PEPD: variants seen among roughly 807,000 people sequenced by gnomAD.
PEPD encodes xaa-Pro dipeptidase.
Under a neutral mutation model 60.7 loss-of-function variants are expected in PEPD, and 53 were observed. The ratio of observed to expected loss-of-function variants is 0.87; its 90% CI spans 0.70 to 1.10. PEPD has a LOEUF of 1.10. Among genes scored for constraint, PEPD ranks in the 50% least tolerant of loss-of-function variants. The pLI, the probability that PEPD is intolerant of heterozygous loss-of-function variation, is 0.00. For missense variants in PEPD, 711 were observed against 711.9 expected (o/e 1.00, Z 0.01); for synonymous variants, 267 against 284.1 (o/e 0.94, Z 0.60).
chr19:33,410,597 G>A (rs1332200869), intron 11 of PEPD, among the ~76,000 whole-genome samples: 1 of 152,224 alleles, frequency 6.6e-6, no homozygotes, highest in Non-Finnish European at 1.5e-5. Flanking sequence ...CTGGCACATT[G>A]GGGTGGCTCC....
chr19:33,495,500 C>CAA (rs879774146), intron 4 of PEPD, among the ~76,000 whole-genome samples: 26 of 85,626 alleles, frequency 3.0e-4, no homozygotes, highest in African/African-American at 6.6e-4. Context: ...GACTCTGTCT[C>CAA]AAAAAAAAAA....
intron 12 of PEPD, among the ~76,000 whole-genome samples, chr19:33,391,919 A>G (rs1600075742): frequency 6.6e-6 from 1 of 152,212 alleles, no homozygotes; most frequent in Non-Finnish European, 1.5e-5. Context: ...TGAGGCTCAG[A>G]CCCAAACCCT....
chr19:33,506,332 ACC>A (rs1306536976), intron 3 of PEPD, among the ~76,000 whole-genome samples: 1 of 129,502 alleles, frequency 7.7e-6, no homozygotes, highest in African/African-American at 3.0e-5. Flanking sequence ...CTACACACAC[ACC>A]CACACACAAC....
chr19:33,453,087 C>T (rs1047797299), intron 9 of PEPD, among the ~76,000 whole-genome samples: 3 of 151,846 alleles, frequency 2.0e-5, no homozygotes, highest in African/African-American at 4.8e-5. Context: ...TTCGGGAGGC[C>T]GTGGCAGGAG....
intron 7 of PEPD, among the ~76,000 whole-genome samples, chr19:33,469,875 A>AC (rs1291868860): frequency 7.7e-6 from 1 of 129,630 alleles, no homozygotes; most frequent in Non-Finnish European, 1.7e-5. Flanking sequence ...TTCTCTCTTC[A>AC]CCCCCATCAT....
chr19:33,387,914 C>T lies in PEPD; in HGVS notation c.1320G>A (p.Leu440=). The T allele has an allele frequency of 6.3e-7, 1 of 1,584,994 alleles. No homozygotes were observed. The highest frequency in any genetic ancestry group is 8.6e-7 in the Non-Finnish European group (1 of 1,166,186). ...CCCCGCCAAAACCGCGAAAGCGCTG[C>T]AGGACCTCGCGGTTAAGGAAGGAGG... ...ARASFLNREV[L]QRFRGFGGVR... The change falls in exon 14 of 15, where the codon CTG becomes CTA. Residue 440 remains leucine (L), a synonymous_variant. Transcript: ENST00000244137.
chr19:33,427,937 C>A (rs1427149427), intron 9 of PEPD, among the ~76,000 whole-genome samples: 1 of 151,884 alleles, frequency 6.6e-6, no homozygotes, highest in East Asian at 1.9e-4. Context: ...GCAGCAGTGA[C>A]GGTGCCTGTA....
chr19:33,436,375 G>A (rs539416601), intron 9 of PEPD, among the ~76,000 whole-genome samples: 4 of 152,242 alleles, frequency 2.6e-5, no homozygotes, highest in East Asian at 1.9e-4. Context: ...GGCGGGAGCC[G>A]TCCTCAGCAT....
At chr19:33,473,352 T>C (rs1970161638) in intron 7 of PEPD, among the ~76,000 whole-genome samples, 1 of 152,052 alleles carries the variant, frequency 6.6e-6, no homozygotes, top group Admixed American at 6.5e-5. Context: ...TGGGACATGT[T>C]ACCCAGGATG....
At chr19:33,448,799 C>CT (rs1191037683) in intron 9 of PEPD, among the ~76,000 whole-genome samples, 1 of 152,140 alleles carries the variant, frequency 6.6e-6, no homozygotes, top group Non-Finnish European at 1.5e-5. Flanking sequence ...TTACCAGCTA[C>CT]TCTGATTTTC....
At chr19:33,413,733 G>T in intron 9 of PEPD, 90 bp from the exon 10 acceptor site, 1 of 780,410 alleles carries the variant, frequency 1.3e-6, no homozygotes, top group Non-Finnish European at 2.2e-6. Flanking sequence ...AAGGCCCTCG[G>T]CCCATGGTCT....
At chr19:33,430,713 A>G (rs866521097) in intron 9 of PEPD, among the ~76,000 whole-genome samples, 1 of 152,164 alleles carries the variant, frequency 6.6e-6, no homozygotes, top group African/African-American at 2.4e-5. Flanking sequence ...TACCTGTCAA[A>G]GACCTGCTCC....
At chr19:33,430,076 C>CT (rs1190511804) in intron 9 of PEPD, among the ~76,000 whole-genome samples, 1 of 152,178 alleles carries the variant, frequency 6.6e-6, no homozygotes, top group African/African-American at 2.4e-5. Context: ...CCTGGCTCCT[C>CT]TAAGACCCAT....
At chr19:33,399,102 C>A (rs1274757503) in intron 12 of PEPD, among the ~76,000 whole-genome samples, 1 of 152,132 alleles carries the variant, frequency 6.6e-6, no homozygotes, top group Non-Finnish European at 1.5e-5. Context: ...GATTCTCGTG[C>A]CTTGGCCTCC....
chr19:33,486,370 G>A (rs1313841902), intron 6 of PEPD, among the ~76,000 whole-genome samples: 1 of 150,870 alleles, frequency 6.6e-6, no homozygotes, highest in Non-Finnish European at 1.5e-5. Flanking sequence ...AATCTTCCTT[G>A]GGACTGCTCC....
intron 11 of PEPD, among the ~76,000 whole-genome samples, chr19:33,409,727 G>A (rs930134998): frequency 1.3e-5 from 2 of 152,216 alleles, no homozygotes; most frequent in African/African-American, 4.8e-5. Flanking sequence ...GGTCCACGGT[G>A]TGGGGGCAGG....
At chr19:33,400,449 T>C (rs1449098959) in intron 12 of PEPD, among the ~76,000 whole-genome samples, 1 of 152,246 alleles carries the variant, frequency 6.6e-6, no homozygotes, top group Non-Finnish European at 1.5e-5. Flanking sequence ...GACTGTTCTG[T>C]TGCTTATAAC....
intron 2 of PEPD, 127 bp from the exon 3 acceptor site, chr19:33,511,282 C>T: frequency 3.2e-6 from 3 of 925,322 alleles, no homozygotes; most frequent in Non-Finnish European, 5.2e-6. Context: ...ACCCCAGCCC[C>T]AGACATCCCT....
intron 13 of PEPD, chr19:33,388,583 C>T (rs1410153253): frequency 2.0e-5 from 5 of 247,694 alleles, no homozygotes; most frequent in Admixed American, 4.5e-5. Flanking sequence ...CCAGATTTTC[C>T]GTGTGACTGT....
Sources: allele counts gnomAD v4.1 joint callset (sites outside exome capture counted in the v4.1 genomes callset), GRCh38; gene constraint gnomAD v4.1.1; transcripts MANE v1.5; gene names NCBI Gene and HGNC (gene_info 2026-07-23, HGNC 2026-07-21).